SPTBN5: variants seen among roughly 807,000 people sequenced by gnomAD.
SPTBN5 encodes spectrin beta chain, non-erythrocytic 5.
A neutral mutation model predicts 477.6 loss-of-function variants in SPTBN5; 513 were observed. The observed-to-expected ratio is 1.07, with a 90% CI of 1.00 to 1.16. SPTBN5 has a LOEUF of 1.16. SPTBN5 is among the 50% of genes most tolerant of loss of function. The pLI is 0.00. For synonymous variants in SPTBN5, 2,169 were observed against 2,011.7 expected (o/e 1.08, Z -2.09); for missense variants, 5,062 against 4,731.8 (o/e 1.07, Z -2.05).
intron 17 of SPTBN5, 58 bp from the exon 18 acceptor site, chr15:41,877,414 T>C (rs1255969762): frequency 1.9e-6 from 3 of 1,563,990 alleles, no homozygotes; most frequent in Admixed American, 1.8e-5. Flanking sequence ...TCAGCCTCCT[T>C]CTCCTCTCAC....
Position 41,866,109 on chromosome 15 carries a change from G to T in SPTBN5, c.6751C>A (p.Leu2251Met), listed in dbSNP as rs200268123. ...TCCAGGAAGTTCCGCCTGTCCTCCA[G>T]CTCCTGGCCCCTGAGGGCCATTGCC... ...RQAMALRGQE[L>M]EDRRNFLEFL... The change falls in exon 38 of 68, where the codon CTG becomes ATG. Residue 2251 changes from leucine (L) to methionine (M), a missense_variant. By Grantham distance (15) the Leu-to-Met change is conservative. Transcript: ENST00000320955. 6.9e-4 allele frequency: 1,082 copies of T among 1,557,804 alleles called. No homozygotes were observed. The highest frequency in any genetic ancestry group is 8.8e-4 in the Non-Finnish European group (1,018 of 1,151,480).
chr15:41,879,174 T>G (rs2066856786), intron 16 of SPTBN5, 86 bp downstream of exon 16: 18 of 1,492,206 alleles, frequency 1.2e-5, no homozygotes, highest in Non-Finnish European at 1.6e-5. Context: ...CCATCCCAAT[T>G]TCTGTCCCTT....
intron 45 of SPTBN5, 70 bp from the exon 46 acceptor site, chr15:41,861,566 C>A: frequency 6.4e-7 from 1 of 1,565,066 alleles, no homozygotes; most frequent in Non-Finnish European, 8.8e-7. Context: ...GTGACTGTTC[C>A]AGTGGCACAG....
Position 41,872,292 on chromosome 15 carries a change from G to T in SPTBN5, c.5165+10C>A, listed in dbSNP as rs773251915. ...GTACCCACTGATGAGAGGGGTTATG[G>T]TGTCCTCACCGTGTGGCCGCCAACT... On this transcript the variant is annotated intron_variant, in intron 27 of 67. Transcript: ENST00000320955. 1.9e-6 allele frequency: 3 copies of T among 1,609,024 alleles called. No homozygotes were observed. Among genetic ancestry groups the T allele is most frequent in the African/African-American group, 2.7e-5 (2 of 74,842 alleles).
intron 23 of SPTBN5, 52 bp from the exon 24 acceptor site, chr15:41,874,530 G>C: frequency 6.9e-7 from 1 of 1,449,762 alleles, no homozygotes; most frequent in Non-Finnish European, 9.2e-7. Context: ...TGAGCACAAG[G>C]CTCCTGGTTC....
At position 41,882,053 on chromosome 15, in the gene SPTBN5, G is replaced by GGC. The variant is rs2066976316; in HGVS notation, c.2338_2339dup (p.Glu781ProfsTer5). ...GCACGTGGCGCCTCAGCAGGGTCTC[G>GGC]GCGGCCGCCTGGTCCTGACCGCAGG... On this transcript the variant is annotated frameshift_variant, in exon 12 of 68. Coordinates refer to ENST00000320955, the MANE Select transcript of SPTBN5 (RefSeq NM_016642.4). LOFTEE classifies it high-confidence loss of function. The GGC allele has an allele frequency of 6.4e-7, 1 of 1,558,534 alleles. No homozygotes were observed.
intron 66 of SPTBN5, chr15:41,850,639 T>C (rs1355959958): frequency 3.5e-6 from 2 of 571,750 alleles, no homozygotes; most frequent in South Asian, 2.2e-5. Context: ...GGTTCAAAAC[T>C]GGCCCCATCT....
chr15:41,882,350 G>A lies in SPTBN5; in HGVS notation c.2166C>T (p.Ala722=), dbSNP rs368077416. 3.3e-6 allele frequency: 5 copies of A among 1,534,934 alleles called. No individual in the cohort carries two copies. In the South Asian group the frequency reaches 6.0e-5, roughly 18 times the overall value. Residue 722 remains alanine (A), a synonymous_variant, in exon 11 of 68, where the codon GCC becomes GCT. Transcript: ENST00000320955. ...TQPDPGERAE[A]VQGGWQLLQT... is the part of the protein sequence containing the mutation. ...GGAGCAGCTGCCACCCTCCCTGAAC[G>A]GCCTCTGCCCGTTCCCCGGGATCCG...
chr15:41,879,384 GC>G lies in SPTBN5; in HGVS notation c.3057del (p.Leu1020SerfsTer41), dbSNP rs1567221810. On this transcript the variant is annotated frameshift_variant, in exon 16 of 68. Coordinates refer to ENST00000320955, the MANE Select transcript of SPTBN5 (RefSeq NM_016642.4). LOFTEE classifies it high-confidence loss of function. ...GGCTGCAGGGCCTCCAGCTGGAGGA[GC>G]ACGTCTCGCAGCTGGACCTGTGTGG... ...CGPTQVQLRD[V>X]LLQLEALQPG... The G allele has an allele frequency of 6.2e-7, 1 of 1,610,594 alleles. No individual in the cohort carries two copies. Among genetic ancestry groups the G allele is most frequent in the South Asian group, 1.1e-5 (1 of 91,056 alleles).
At position 41,862,277 on chromosome 15, in the gene SPTBN5, A is replaced by C. The variant is rs2140927972; in HGVS notation, c.7401T>G (p.Asp2467Glu). Residue 2467 changes from aspartate to glutamate, a missense_variant, in exon 44 of 68, where the codon GAT (aspartate) becomes GAG (glutamate). By Grantham distance (45) the Asp-to-Glu change is conservative. Transcript: ENST00000320955. ...SRAQKRREAL[D>E]ALHQAQKLQA... ...GGAGTTTCTGAGCTTGGTGCAAGGC[A>C]TCCAGCGCCTCCCTCCTGCCCACAG... 1 of 1,604,488 alleles carries C rather than the reference A, an allele frequency of 6.2e-7. No individual in the cohort carries two copies. The highest frequency in any genetic ancestry group is 2.2e-5 in the East Asian group (1 of 44,696).
chr15:41,885,316 G>A (rs1483515361), intron 7 of SPTBN5, among the ~76,000 whole-genome samples: 1 of 152,144 alleles, frequency 6.6e-6, no homozygotes. Flanking sequence ...GAGCCACCGC[G>A]CCCGGCCTCT....
chr15:41,858,478 C>A, intron 49 of SPTBN5, 124 bp downstream of exon 49: 1 of 1,243,818 alleles, frequency 8.0e-7, no homozygotes, highest in Non-Finnish European at 1.1e-6. Flanking sequence ...AGCCAGGTGC[C>A]TGCATGCAGA....
chr15:41,883,533 GA>G, intron 7 of SPTBN5, 47 bp from the exon 8 acceptor site: 1 of 1,590,558 alleles, frequency 6.3e-7, no homozygotes, highest in Non-Finnish European at 8.6e-7. Context: ...TTGGGGCAGG[GA>G]AGCTACTTCA....
At chr15:41,880,042 T>C (rs991682811) in intron 14 of SPTBN5, 118 bp downstream of exon 14, 9 of 1,429,526 alleles carry the variant, frequency 6.3e-6, no homozygotes, top group Non-Finnish European at 7.5e-6. Context: ...TCAGGCCAGC[T>C]CTCTGCTCCC....
chr15:41,868,038 G>A (rs780029645), intron 34 of SPTBN5, 31 bp downstream of exon 34: 3 of 1,579,108 alleles, frequency 1.9e-6, no homozygotes, highest in Admixed American at 3.6e-5. Context: ...GCAGGAGGCT[G>A]AGCGGAGTGT....
Position 41,855,805 on chromosome 15 carries a change from C to T in SPTBN5, c.9022-60G>A, listed in dbSNP as rs144523021. On this transcript the variant is annotated intron_variant, in intron 53 of 67. Transcript: ENST00000320955. ...GGCACCCTCCAGGGCTCAGGATTTA[C>T]AGCCACGATTCTCAGCCTGGCTGCA... 2.8e-4 allele frequency: 404 copies of T among 1,454,048 alleles called. 1 individual carries two copies. In the East Asian group the frequency reaches 4.7e-3, roughly 17 times the overall value. The allele number at this position is 1,454,048 out of a possible 1,614,324, so 90.1% of individuals were successfully genotyped here.
rs774582056 is a variant in SPTBN5 at position 41,860,661 on chromosome 15, G to A, written c.7913C>T (p.Thr2638Met). ...CCCACCCTGGTGCAGGCCGCGGGCC[G>A]TGGCCTCCAGAGCACTGATCTTTCC... is the stretch of plus-strand genomic sequence containing the variant. ...QAGKISALEA[T>M]ARGLHQGGHP... The change falls in exon 47 of 68, where the codon ACG (threonine) becomes ATG (methionine). Residue 2638 changes from threonine (T) to methionine (M), a missense_variant. Physicochemically the swap from Thr to Met is moderately conservative, Grantham distance 81 (BLOSUM62 -1). Transcript: ENST00000320955. The A allele has an allele frequency of 5.7e-6, 9 of 1,566,130 alleles. No homozygotes were observed. Among genetic ancestry groups the A allele is most frequent in the South Asian group, 1.2e-5 (1 of 84,070 alleles).
In SPTBN5 at chr15:41,875,506, G is replaced by A. The variant is rs367923098; in HGVS notation, c.4239C>T (p.Asp1413=). ...CCTGCTGTCCAGCCTGCTGGAGCTC[G>A]TCCCCACGCTCAGTCATCTTGCGGT... ...ALNRKMTERG[D]ELQQAGQQEQ... Residue 1413 remains aspartate (D), a synonymous_variant, in exon 22 of 68, where the codon GAC becomes GAT. Coordinates refer to ENST00000320955, the MANE Select transcript of SPTBN5 (RefSeq NM_016642.4). 4.1e-5 allele frequency: 66 copies of A among 1,612,366 alleles called. No homozygotes were observed. The highest frequency in any genetic ancestry group is 8.9e-5 in the East Asian group (4 of 44,884).
rs550716512 is a variant in SPTBN5, at chr15:41,876,131, C to A, written c.4105G>T (p.Val1369Leu). The A allele has an allele frequency of 1.2e-6, 2 of 1,601,914 alleles. No homozygotes were observed. Among genetic ancestry groups the A allele is most frequent in the East Asian group, 2.2e-5 (1 of 44,842 alleles). ...ESELLATRRHVEALQQVGREL... is the reference protein window; with the variant it reads ...ESELLATRRHLEALQQVGREL... ...TCCCCCACCTGCTGCAGGGCCTCCACGTGTCTGCGGGTGGCGAGTAGCTCG... is the reference window on the plus strand; with the variant it reads ...TCCCCCACCTGCTGCAGGGCCTCCAAGTGTCTGCGGGTGGCGAGTAGCTCG... Residue 1369 changes from valine (V) to leucine (L), a missense_variant, in exon 21 of 68, where the codon GTG (valine) becomes TTG (leucine). Val to Leu is a conservative substitution (Grantham distance 32, BLOSUM62 1). Transcript: ENST00000320955.
Sources: gnomAD v4.1 joint callset for allele counts (sites outside exome capture counted in the v4.1 genomes callset) on GRCh38, gnomAD v4.1.1 for gene constraint, MANE v1.5 for transcripts, NCBI Gene and HGNC (gene_info 2026-07-23, HGNC 2026-07-21) for gene names.